The following CCDC3 variants were observed in gnomAD, a reference collection of about 807,000 sequenced individuals.
CCDC3 encodes coiled-coil domain containing 3, also known as coiled-coil domain-containing protein 3.
Under a neutral mutation model 21.4 loss-of-function variants are expected in CCDC3, and 24 were observed. The observed-to-expected ratio is 1.12, with a 90% CI of 0.81 to 1.58. The LOEUF is 1.58. CCDC3 is among the 40% of genes most tolerant of loss of function. The pLI is 0.00. For missense variants in CCDC3, 425 were observed against 360.9 expected (o/e 1.18, Z -1.44); for synonymous variants, 186 against 166.0 (o/e 1.12, Z -0.93).
intron 4 of CCDC3, among the ~76,000 whole-genome samples, chr10:13,059,201 G>T (rs142233509): frequency 2.1e-3 from 314 of 152,228 alleles, no homozygotes; most frequent in Middle Eastern, 0.01. Context: ...CCCTTCTCCT[G>T]TCCGGGTGAC....
intron 2 of CCDC3, among the ~76,000 whole-genome samples, chr10:12,905,903 C>T (rs1929381): frequency 1.3e-5 from 2 of 152,050 alleles, no homozygotes; most frequent in Admixed American, 1.3e-4. Flanking sequence ...TTTCTGGCCC[C>T]GTAGAGGGCA....
intron 2 of CCDC3, among the ~76,000 whole-genome samples, chr10:12,944,930 T>A (rs1361160086): frequency 6.6e-6 from 1 of 152,224 alleles, no homozygotes; most frequent in Non-Finnish European, 1.5e-5. Flanking sequence ...TTAATATTCT[T>A]ACCAAGGATG....
At chr10:12,909,338 G>A (rs1834228050) in intron 2 of CCDC3, among the ~76,000 whole-genome samples, 1 of 152,198 alleles carries the variant, frequency 6.6e-6, no homozygotes, top group Non-Finnish European at 1.5e-5. Flanking sequence ...GGCTGCAGGG[G>A]AGGAAGGGCA....
intron 2 of CCDC3, among the ~76,000 whole-genome samples, chr10:12,937,206 G>A (rs375678768): frequency 2.6e-5 from 4 of 151,926 alleles, no homozygotes; most frequent in South Asian, 2.1e-4. Flanking sequence ...TCCCACAGGC[G>A]TTTTTGCTCG....
intron 2 of CCDC3, among the ~76,000 whole-genome samples, chr10:12,972,578 G>T (rs1835359003): frequency 6.6e-6 from 1 of 152,174 alleles, no homozygotes; most frequent in Non-Finnish European, 1.5e-5. Flanking sequence ...CACTTTGGGA[G>T]GCCAAAGGCA....
intron 2 of CCDC3, among the ~76,000 whole-genome samples, chr10:12,934,595 C>T (rs1564289607): frequency 6.6e-6 from 1 of 152,130 alleles, no homozygotes; most frequent in Non-Finnish European, 1.5e-5. Flanking sequence ...CCTTGCAGTT[C>T]TATCAGTTTT....
chr10:13,081,842 G>A (rs659534), intron 3 of CCDC3, among the ~76,000 whole-genome samples: 53,233 of 152,148 alleles, frequency 0.35, 9,706 homozygotes, highest in African/African-American at 0.46. Context: ...GCTTGTGTGC[G>A]TGGTAGGCCA....
At chr10:12,977,877 T>C (rs956886236) in intron 2 of CCDC3, among the ~76,000 whole-genome samples, 2 of 152,138 alleles carry the variant, frequency 1.3e-5, no homozygotes, top group South Asian at 4.1e-4. Context: ...GGGATCCACA[T>C]AGGTTGAATC....
intron 5 of CCDC3, among the ~76,000 whole-genome samples, chr10:13,007,434 A>C (rs1462656710): frequency 6.6e-6 from 1 of 152,148 alleles, no homozygotes; most frequent in Admixed American, 6.5e-5. Flanking sequence ...CAAAACAATA[A>C]ATTTTGCCAA....
chr10:13,030,251 A>G (rs1836282497), intron 5 of CCDC3, among the ~76,000 whole-genome samples: 1 of 152,222 alleles, frequency 6.6e-6, no homozygotes. Flanking sequence ...AAGCTTCATA[A>G]GTGAAGGAGA....
intron 5 of CCDC3, among the ~76,000 whole-genome samples, chr10:13,046,503 G>C (rs1836531707): frequency 1.3e-5 from 2 of 151,570 alleles, no homozygotes; most frequent in Non-Finnish European, 2.9e-5. Context: ...AGGAGTTCAA[G>C]ACCAGCCTGG....
intron 2 of CCDC3, among the ~76,000 whole-genome samples, chr10:12,984,474 A>G (rs532201366): frequency 2.3e-4 from 35 of 152,230 alleles, no homozygotes; most frequent in Non-Finnish European, 4.6e-4. Context: ...AAAATGGTGC[A>G]GCTGCTTTGG....
At chr10:12,971,543 T>C (rs989948984) in intron 2 of CCDC3, among the ~76,000 whole-genome samples, 15 of 152,166 alleles carry the variant, frequency 9.9e-5, no homozygotes, top group African/African-American at 3.4e-4. Context: ...ACTGCTACCC[T>C]ATTGTCCCCA....
chr10:12,961,619 G>C (rs1482233523), intron 2 of CCDC3, among the ~76,000 whole-genome samples: 1 of 152,186 alleles, frequency 6.6e-6, no homozygotes, highest in East Asian at 1.9e-4. Flanking sequence ...GTTTTCTCTT[G>C]AGCTTGAAGC....
rs911590585 is a variant in CCDC3, at chr10:12,912,451, C to T, written c.550-13772G>A. 1.5e-4 allele frequency among the ~76,000 whole-genome samples: 23 copies of T among 152,146 alleles called. No homozygotes were observed. In the South Asian group the frequency reaches 4.4e-3, roughly 29 times the overall value. On this transcript the variant is annotated intron_variant, in intron 2 of 2. Transcript: ENST00000378825. ...TAGAGGTCTATTTAGGTCCTTTGCC[C>T]ATTTTTTAAATCAGGTTGTTGGCTT...
chr10:12,970,715 G>A (rs560352020), intron 2 of CCDC3, among the ~76,000 whole-genome samples: 73 of 152,210 alleles, frequency 4.8e-4, no homozygotes, highest in African/African-American at 1.6e-3. Context: ...GTGAAACCCT[G>A]TCTTTACCAA....
chr10:13,085,201 C>T (rs560712939), intron 3 of CCDC3, among the ~76,000 whole-genome samples: 11 of 152,312 alleles, frequency 7.2e-5, no homozygotes, highest in Middle Eastern at 6.8e-3. Context: ...GCCTGGGTCC[C>T]AGCCCCAGCC....
At chr10:13,086,684 G>A (rs1342439452) in intron 3 of CCDC3, among the ~76,000 whole-genome samples, 1 of 152,196 alleles carries the variant, frequency 6.6e-6, no homozygotes, top group African/African-American at 2.4e-5. Flanking sequence ...CTGACCTCGT[G>A]ACCCGCCTGC....
chr10:13,007,833 T>A (rs1057210793), intron 5 of CCDC3, among the ~76,000 whole-genome samples: 1 of 152,228 alleles, frequency 6.6e-6, no homozygotes, highest in African/African-American at 2.4e-5. Context: ...TCTTCTTCTC[T>A]ATCTCTTCCT....
Sources: gnomAD v4.1 joint callset for allele counts (sites outside exome capture counted in the v4.1 genomes callset) on GRCh38, gnomAD v4.1.1 for gene constraint, MANE v1.5 for transcripts, NCBI Gene and HGNC (gene_info 2026-07-23, HGNC 2026-07-21) for gene names.